C3orf49: variants seen among roughly 807,000 people sequenced by gnomAD.
The protein encoded by C3orf49 is chromosome 3 open reading frame 49.
C3orf49 carries 27 observed loss-of-function variants against 13.3 expected under a neutral mutation model. The ratio of observed to expected loss-of-function variants is 2.02; its 90% CI spans 1.49 to 2.79. C3orf49 has a LOEUF of 2.79. C3orf49 is among the 30% of genes most tolerant of loss of function. C3orf49 has a pLI of 0.00. For missense variants in C3orf49, 242 were observed against 134.2 expected (o/e 1.80, Z -3.97); for synonymous variants, 87 against 47.6 (o/e 1.83, Z -3.40).
At chr3:63,826,052 A>C (rs575171748) in intron 2 of C3orf49, among the ~76,000 whole-genome samples, 5 of 152,330 alleles carry the variant, frequency 3.3e-5, no homozygotes, top group Admixed American at 2.0e-4. Context: ...ATCACCAGGC[A>C]CAATTAGGAA....
chr3:63,845,483 A>G (rs1161343467), intron 6 of C3orf49, among the ~76,000 whole-genome samples: 1 of 151,930 alleles, frequency 6.6e-6, no homozygotes, highest in African/African-American at 2.4e-5. Flanking sequence ...TGTGCGTTAC[A>G]CTCTCTGTGG....
chr3:63,842,636 G>A (rs1416125895), intron 5 of C3orf49, among the ~76,000 whole-genome samples: 1 of 152,134 alleles, frequency 6.6e-6, no homozygotes, highest in Non-Finnish European at 1.5e-5. Flanking sequence ...CTTATAAGTG[G>A]GAGCTAAGCT....
intron 2 of C3orf49, among the ~76,000 whole-genome samples, chr3:63,824,198 G>A (rs544717424): frequency 3.8e-4 from 57 of 151,900 alleles, no homozygotes; most frequent in Non-Finnish European, 6.6e-4. Flanking sequence ...AAATATATAT[G>A]TGTGTATATA....
At chr3:63,839,903 C>A in intron 5 of C3orf49, 2 of 686,452 alleles carry the variant, frequency 2.9e-6, no homozygotes, top group African/African-American at 1.8e-5. Flanking sequence ...TGCCACTGAA[C>A]TGTACACTTA....
At chr3:63,845,856 T>C (rs999041405) in intron 6 of C3orf49, among the ~76,000 whole-genome samples, 15 of 152,164 alleles carry the variant, frequency 9.9e-5, no homozygotes, top group Admixed American at 5.9e-4. Context: ...GCTACAAATA[T>C]TTACAAATGG....
the C3orf49 span, among the ~76,000 whole-genome samples, chr3:63,812,697 A>G: frequency 6.6e-6 from 1 of 152,218 alleles, no homozygotes; most frequent in Non-Finnish European, 1.5e-5. Flanking sequence ...TTATGAATCA[A>G]TTCATGCCAT....
chr3:63,803,768 C>T, the C3orf49 span, among the ~76,000 whole-genome samples: 1 of 152,092 alleles, frequency 6.6e-6, no homozygotes. Flanking sequence ...AAGACAATTT[C>T]CACAGACCAG....
chr3:63,819,298 T>A (rs1701365323), upstream of C3orf49: 6 of 555,330 alleles, frequency 1.1e-5, no homozygotes. Context: ...ACAAATAATG[T>A]CTCTAACACC....
chr3:63,835,407 A>G (rs62253803), intron 5 of C3orf49: 82,189 of 1,611,460 alleles, frequency 0.051, 2,411 homozygotes, highest in Admixed American at 0.085. Context: ...ATAATAAAAC[A>G]GTGTTACATT....
At chr3:63,844,296 G>A (rs1701839026) in intron 5 of C3orf49, among the ~76,000 whole-genome samples, 1 of 152,190 alleles carries the variant, frequency 6.6e-6, no homozygotes, top group Non-Finnish European at 1.5e-5. Flanking sequence ...TGTACAGCAA[G>A]GTGACTATAG....
chr3:63,834,373 A>T (rs79275772), intron 5 of C3orf49, among the ~76,000 whole-genome samples: 1 of 151,938 alleles, frequency 6.6e-6, no homozygotes, highest in Admixed American at 6.6e-5. Context: ...AAAAAAAAAA[A>T]TCCAGGCAGG....
intron 5 of C3orf49, chr3:63,837,876 T>C: frequency 9.9e-7 from 1 of 1,010,794 alleles, no homozygotes; most frequent in South Asian, 1.8e-5. Context: ...TTAATCCAGG[T>C]TGATTCAGGC....
the C3orf49 span, among the ~76,000 whole-genome samples, chr3:63,800,425 C>A: frequency 6.6e-6 from 1 of 152,126 alleles, no homozygotes; most frequent in South Asian, 2.1e-4. Context: ...TAAGGCATTG[C>A]GCTTGCTCAG....
chr3:63,815,100 G>T (rs940354085), upstream of C3orf49, among the ~76,000 whole-genome samples: 5 of 152,168 alleles, frequency 3.3e-5, no homozygotes, highest in Non-Finnish European at 7.4e-5. Context: ...CACGAGGACA[G>T]TAACAGGGGA....
At chr3:63,843,121 T>C (rs1210205616) in intron 5 of C3orf49, among the ~76,000 whole-genome samples, 2 of 149,624 alleles carry the variant, frequency 1.3e-5, no homozygotes, top group Non-Finnish European at 3.0e-5. Context: ...TATTTGTTTG[T>C]TTGTTTGTTT....
chr3:63,807,857 C>CAAAAAA, the C3orf49 span, among the ~76,000 whole-genome samples: 13 of 32,212 alleles, frequency 4.0e-4, no homozygotes, highest in African/African-American at 4.3e-4. Context: ...AACTTCATCT[C>CAAAAAA]AAAAAAAAAA....
chr3:63,819,220 G>A (rs2107090541), upstream of C3orf49: 1 of 351,538 alleles, frequency 2.8e-6, no homozygotes, highest in Middle Eastern at 8.3e-4. Context: ...AAGGTCCATG[G>A]AATTTCACAC....
intron 3 of C3orf49, among the ~76,000 whole-genome samples, chr3:63,830,572 G>C (rs1056026898): frequency 1.3e-5 from 2 of 152,158 alleles, no homozygotes; most frequent in Admixed American, 1.3e-4. Flanking sequence ...ATTTCCAATT[G>C]CAACACTGTT....
upstream of C3orf49, among the ~76,000 whole-genome samples, chr3:63,816,881 T>G (rs1701331117): frequency 2.0e-5 from 3 of 148,746 alleles, no homozygotes; most frequent in African/African-American, 7.4e-5. Context: ...CACGCCATTC[T>G]CCTGCCTCAA....
Sources: gnomAD v4.1 joint callset for allele counts (sites outside exome capture counted in the v4.1 genomes callset) on GRCh38, gnomAD v4.1.1 for gene constraint, MANE v1.5 for transcripts, NCBI Gene and HGNC (gene_info 2026-07-23, HGNC 2026-07-21) for gene names.